ROBO2: variants seen among roughly 807,000 people sequenced by gnomAD.
ROBO2 encodes roundabout guidance receptor 2.
In ROBO2, 53 loss-of-function variants were observed where a neutral mutation model predicts 160.8. The observed-to-expected ratio is 0.33, with a 90% CI of 0.26 to 0.41. The LOEUF (loss-of-function observed/expected upper bound fraction) is 0.41, where lower values mean the gene tolerates loss of function less well. Ranked by LOEUF, ROBO2 falls within the 10% of genes least tolerant of loss-of-function variation. The probability of loss-of-function intolerance (pLI) is 1.00; values close to 1 mark genes in which losing one functional copy is unlikely to be tolerated. For missense variants in ROBO2, 1,577 were observed against 1,722.4 expected (o/e 0.92, Z 1.49); for synonymous variants, 664 against 611.7 (o/e 1.09, Z -1.26).
At chr3:77,602,547 T>G (rs139116610) in intron 20 of ROBO2, 56 bp downstream of exon 21, 31 of 1,582,230 alleles carry the variant, frequency 2.0e-5, no homozygotes. Context: ...GTGCATGAGA[T>G]AGAAATTAGT....
chr3:76,352,731 T>C (rs913733956), intron 2 of ROBO2, among the ~76,000 whole-genome samples: 4 of 151,980 alleles, frequency 2.6e-5, no homozygotes, highest in African/African-American at 9.7e-5. Context: ...TTTGGTCCTT[T>C]ATGAGACAGA....
At chr3:76,952,083 A>G (rs1339285927) in intron 2 of ROBO2, among the ~76,000 whole-genome samples, 2 of 152,194 alleles carry the variant, frequency 1.3e-5, no homozygotes, top group African/African-American at 4.8e-5. Context: ...GTAAGTCAGT[A>G]GCATGTGAGA....
At chr3:77,645,973 T>A (rs917648960) in intron 25 of ROBO2, 81 bp from the exon 28 acceptor site, 8 of 962,330 alleles carry the variant, frequency 8.3e-6, no homozygotes, top group Non-Finnish European at 1.3e-5. Flanking sequence ...GATTATCTGT[T>A]GGCTTTGCTT....
In ROBO2 at chr3:76,308,152, G is replaced by A. The variant is rs186534883; in HGVS notation, c.109+370550G>A. ...CCAGCACTTTGGGAGGCCAAGGTGA[G>A]TGGATCACAAGGTCAGGAGTTTGAA... On this transcript the variant is annotated intron_variant, in intron 2 of 26. Coordinates refer to the ROBO2 transcript ENST00000487694. Among the ~76,000 whole-genome samples the A allele has an allele frequency of 3.3e-3, 510 of 152,246 alleles. 6 individuals are homozygous for A. Among genetic ancestry groups the A allele is most frequent in the Admixed American group, 0.024 (370 of 15,306 alleles).
intron 6 of ROBO2, among the ~76,000 whole-genome samples, chr3:77,537,275 T>TTC (rs1031103916): frequency 6.6e-6 from 1 of 152,078 alleles, no homozygotes; most frequent in African/African-American, 2.4e-5. Context: ...AATTGAGAGT[T>TTC]TTTTTTGTGG....
At chr3:76,432,790 CG>C (rs1473933496) in intron 2 of ROBO2, among the ~76,000 whole-genome samples, 2 of 151,206 alleles carry the variant, frequency 1.3e-5, no homozygotes, top group African/African-American at 4.9e-5. Context: ...CACGCATAAC[CG>C]AAAAAACAGG....
intron 2 of ROBO2, among the ~76,000 whole-genome samples, chr3:76,986,267 A>G (rs976022837): frequency 6.6e-6 from 1 of 152,170 alleles, no homozygotes; most frequent in African/African-American, 2.4e-5. Context: ...AATGTAGAAT[A>G]TTTATCTTTA....
At chr3:77,247,477 G>A (rs547888491) in intron 2 of ROBO2, among the ~76,000 whole-genome samples, 7 of 152,300 alleles carry the variant, frequency 4.6e-5, no homozygotes, top group African/African-American at 1.2e-4. Flanking sequence ...AATAAAGTTT[G>A]TTTACAGTGC....
At chr3:75,921,143 T>A (rs1947026811) in intron 1 of ROBO2, among the ~76,000 whole-genome samples, 2 of 152,122 alleles carry the variant, frequency 1.3e-5, no homozygotes, top group Admixed American at 6.5e-5. Flanking sequence ...TTTTATATTT[T>A]GGTGTGTTTT....
At chr3:75,961,640 A>G (rs1048962360) in intron 2 of ROBO2, among the ~76,000 whole-genome samples, 1 of 151,676 alleles carries the variant, frequency 6.6e-6, no homozygotes, top group Non-Finnish European at 1.5e-5. Flanking sequence ...AACAGAGCAG[A>G]TAAGAAACAT....
intron 2 of ROBO2, among the ~76,000 whole-genome samples, chr3:76,957,842 A>G (rs112786548): frequency 0.036 from 5,433 of 152,148 alleles, 331 homozygotes; most frequent in African/African-American, 0.12. Flanking sequence ...AAAAAAAAAA[A>G]AAAGTGATAA....
intron 2 of ROBO2, among the ~76,000 whole-genome samples, chr3:76,398,072 A>G (rs923667484): frequency 1.2e-4 from 18 of 152,098 alleles, no homozygotes; most frequent in African/African-American, 4.1e-4. Flanking sequence ...CTTGGAACCA[A>G]CCCAAATGTC....
At chr3:76,195,199 A>G (rs1053606315) in intron 2 of ROBO2, among the ~76,000 whole-genome samples, 3 of 152,198 alleles carry the variant, frequency 2.0e-5, no homozygotes, top group African/African-American at 7.2e-5. Context: ...TATTGGGGAT[A>G]TTGGATTCGC....
intron 2 of ROBO2, among the ~76,000 whole-genome samples, chr3:76,411,833 G>A (rs549984814): frequency 3.3e-5 from 5 of 152,218 alleles, no homozygotes; most frequent in African/African-American, 4.8e-5. Flanking sequence ...CCTGTGAATG[G>A]GACAGAAGAT....
chr3:77,365,374 T>C (rs1189693042), intron 2 of ROBO2, among the ~76,000 whole-genome samples: 1 of 151,956 alleles, frequency 6.6e-6, no homozygotes, highest in Non-Finnish European at 1.5e-5. Flanking sequence ...CAGAGGGGAG[T>C]TACTGACAGC....
intron 2 of ROBO2, among the ~76,000 whole-genome samples, chr3:77,265,517 A>G (rs1391826916): frequency 3.9e-5 from 6 of 152,212 alleles, no homozygotes; most frequent in African/African-American, 9.6e-5. Flanking sequence ...AAATGAAATG[A>G]AAATAATAAA....
chr3:76,639,725 C>T (rs1404620527), intron 2 of ROBO2, among the ~76,000 whole-genome samples: 3 of 152,140 alleles, frequency 2.0e-5, no homozygotes, highest in Non-Finnish European at 4.4e-5. Flanking sequence ...ATACATGATG[C>T]TCTTCCGCTG....
intron 2 of ROBO2, among the ~76,000 whole-genome samples, chr3:77,145,581 A>T (rs1279197765): frequency 1.3e-5 from 2 of 152,180 alleles, no homozygotes; most frequent in Non-Finnish European, 2.9e-5. Flanking sequence ...ATACTCTAAA[A>T]ATTAAGCAAA....
At chr3:76,522,481 T>A (rs746079450) in intron 2 of ROBO2, among the ~76,000 whole-genome samples, 4 of 152,136 alleles carry the variant, frequency 2.6e-5, no homozygotes, top group Non-Finnish European at 5.9e-5. Flanking sequence ...AAGTAAAATG[T>A]CAAGTTTGAA....
Sources: gnomAD v4.1 joint callset for allele counts (sites outside exome capture counted in the v4.1 genomes callset) on GRCh38, gnomAD v4.1.1 for gene constraint, MANE v1.5 for transcripts, NCBI Gene and HGNC (gene_info 2026-07-23, HGNC 2026-07-21) for gene names.